The following GALNTL6 variants were observed in gnomAD, a reference collection of about 807,000 sequenced individuals.
The protein encoded by GALNTL6 is polypeptide N-acetylgalactosaminyltransferase like 6, also known as polypeptide N-acetylgalactosaminyltransferase-like 6.
GALNTL6 carries 46 observed loss-of-function variants against 73.7 expected under a neutral mutation model. That is an observed-to-expected ratio of 0.62 (90% confidence interval 0.49 to 0.80). The LOEUF is 0.80. GALNTL6 is among the 30% of genes least tolerant of loss of function. The probability of loss-of-function intolerance (pLI) is 0.00; values close to 1 mark genes in which losing one functional copy is unlikely to be tolerated. For missense variants in GALNTL6, 604 were observed against 755.0 expected (o/e 0.80, Z 2.34); for synonymous variants, 259 against 263.7 (o/e 0.98, Z 0.17).
intron 3 of GALNTL6, among the ~76,000 whole-genome samples, chr4:172,296,346 T>A (rs1175451583): frequency 6.6e-6 from 1 of 152,180 alleles, no homozygotes; most frequent in East Asian, 1.9e-4. Context: ...TATTTTAAAA[T>A]ATTGGTAGAT....
chr4:172,141,797 G>C (rs909855151), intron 2 of GALNTL6, among the ~76,000 whole-genome samples: 2 of 151,690 alleles, frequency 1.3e-5, no homozygotes, highest in Non-Finnish European at 2.9e-5. Context: ...TCCCAGCAAA[G>C]AAGTACTAAC....
At chr4:172,502,411 C>T (rs192302700) in intron 5 of GALNTL6, among the ~76,000 whole-genome samples, 133 of 152,310 alleles carry the variant, frequency 8.7e-4, no homozygotes, top group African/African-American at 2.7e-3. Flanking sequence ...CAAGTTATAA[C>T]TATGGTGAAC....
chr4:172,177,579 A>G (rs1735038616), intron 2 of GALNTL6, among the ~76,000 whole-genome samples: 1 of 151,936 alleles, frequency 6.6e-6, no homozygotes. Context: ...ACATTTGATT[A>G]CTGTTCACTT....
intron 7 of GALNTL6, among the ~76,000 whole-genome samples, chr4:172,869,419 C>A (rs987307483): frequency 6.6e-6 from 1 of 151,876 alleles, no homozygotes; most frequent in Non-Finnish European, 1.5e-5. Flanking sequence ...ACAAGGGAGC[C>A]GGAGAAAAAG....
intron 2 of GALNTL6, among the ~76,000 whole-genome samples, chr4:172,090,422 G>C (rs1579128307): frequency 6.6e-6 from 1 of 152,050 alleles, no homozygotes; most frequent in Admixed American, 6.6e-5. Flanking sequence ...GTCTCATCGT[G>C]GTTTTGATTT....
intron 2 of GALNTL6, among the ~76,000 whole-genome samples, chr4:171,962,063 A>G (rs899134092): frequency 6.6e-6 from 1 of 152,208 alleles, no homozygotes; most frequent in African/African-American, 2.4e-5. Context: ...TGACATACCC[A>G]TGCTTTCTGA....
intron 5 of GALNTL6, among the ~76,000 whole-genome samples, chr4:172,418,641 T>C (rs1730934104): frequency 1.3e-5 from 2 of 152,192 alleles, no homozygotes; most frequent in South Asian, 4.1e-4. Context: ...TGTAAGTGAC[T>C]GCATCTTGGA....
At chr4:172,390,300 G>A (rs1743616625) in intron 5 of GALNTL6, among the ~76,000 whole-genome samples, 1 of 152,070 alleles carries the variant, frequency 6.6e-6, no homozygotes, top group Admixed American at 6.6e-5. Flanking sequence ...GAGCCACTAT[G>A]GACTGTTTAA....
rs202171677 is a variant in GALNTL6, at chr4:172,328,316, C to T, written c.386+16564C>T. Among the ~76,000 whole-genome samples the T allele has an allele frequency of 8.1e-4, 123 of 152,158 alleles. 2 individuals carry two copies. In the South Asian group the frequency reaches 0.016, roughly 20 times the overall value. ...CCTGCCCTTTTGCCCTAGCTGCCTTCAACATTTTTTCTTTCATTTTGCCCT... is the reference window on the plus strand; with the variant it reads ...CCTGCCCTTTTGCCCTAGCTGCCTTTAACATTTTTTCTTTCATTTTGCCCT... On this transcript the variant is annotated intron_variant, in intron 4 of 12. Transcript: ENST00000506823.
chr4:172,274,812 TCTTAATG>T (rs1460630328), intron 3 of GALNTL6, among the ~76,000 whole-genome samples: 2 of 152,222 alleles, frequency 1.3e-5, no homozygotes, highest in East Asian at 1.9e-4. Flanking sequence ...GCAGAAACCT[TCTTAATG>T]CCTTACATTT....
intron 2 of GALNTL6, among the ~76,000 whole-genome samples, chr4:171,988,130 AG>A (rs1450370466): frequency 3.9e-5 from 6 of 152,172 alleles, no homozygotes; most frequent in African/African-American, 1.4e-4. Flanking sequence ...CGCAGACATG[AG>A]GGCTAGGCTA....
intron 2 of GALNTL6, among the ~76,000 whole-genome samples, chr4:172,178,830 A>C (rs1420138602): frequency 9.7e-6 from 1 of 102,722 alleles, no homozygotes; most frequent in African/African-American, 4.0e-5. Flanking sequence ...AACAGTCCCC[A>C]GAGTGTGATA....
At chr4:172,915,757 T>G (rs1211642640) in intron 8 of GALNTL6, among the ~76,000 whole-genome samples, 2 of 152,158 alleles carry the variant, frequency 1.3e-5, no homozygotes, top group Non-Finnish European at 2.9e-5. Flanking sequence ...CAGTAATTAA[T>G]AGCCTATCAA....
intron 2 of GALNTL6, among the ~76,000 whole-genome samples, chr4:171,901,040 C>A (rs1324950279): frequency 2.0e-5 from 3 of 152,108 alleles, no homozygotes; most frequent in Non-Finnish European, 4.4e-5. Flanking sequence ...ACAAATAGAG[C>A]TAATCTGAGA....
chr4:172,377,000 G>T (rs1014851628), intron 5 of GALNTL6, among the ~76,000 whole-genome samples: 1 of 152,126 alleles, frequency 6.6e-6, no homozygotes, highest in African/African-American at 2.4e-5. Flanking sequence ...GACCAAAAGG[G>T]TGAGCAGCAG....
At chr4:172,897,996 G>A (rs1031311789) in intron 8 of GALNTL6, among the ~76,000 whole-genome samples, 3 of 152,070 alleles carry the variant, frequency 2.0e-5, no homozygotes, top group East Asian at 1.9e-4. Context: ...TAACAAGTGC[G>A]TTCCTTCTAA....
At chr4:172,569,349 AC>A (rs1437540171) in intron 5 of GALNTL6, among the ~76,000 whole-genome samples, 1 of 152,048 alleles carries the variant, frequency 6.6e-6, no homozygotes, top group Non-Finnish European at 1.5e-5. Flanking sequence ...TGAGATTTCC[AC>A]CCTCATGACC....
At chr4:172,032,314 G>A (rs910908916) in intron 2 of GALNTL6, among the ~76,000 whole-genome samples, 4 of 151,942 alleles carry the variant, frequency 2.6e-5, no homozygotes, top group Non-Finnish European at 4.4e-5. Context: ...TCAAGGTGTC[G>A]TTAAGACCTA....
intron 2 of GALNTL6, among the ~76,000 whole-genome samples, chr4:171,990,831 T>G (rs1284112312): frequency 6.6e-6 from 1 of 152,182 alleles, no homozygotes. Context: ...TACTGGAAAT[T>G]TGAAAGCAAA....
Sources: gnomAD v4.1 joint callset for allele counts (sites outside exome capture counted in the v4.1 genomes callset) on GRCh38, gnomAD v4.1.1 for gene constraint, MANE v1.5 for transcripts, NCBI Gene and HGNC (gene_info 2026-07-23, HGNC 2026-07-21) for gene names.